The following DDB1 variants were observed in gnomAD, a reference collection of about 807,000 sequenced individuals.
DDB1 encodes the protein damage specific DNA binding protein 1.
DDB1 carries 18 observed loss-of-function variants against 133.1 expected under a neutral mutation model. The ratio of observed to expected loss-of-function variants is 0.14; its 90% CI spans 0.09 to 0.20. The LOEUF (loss-of-function observed/expected upper bound fraction) is 0.20. Among genes scored for constraint, DDB1 ranks in the 10% least tolerant of loss-of-function variants. DDB1 has a pLI of 1.00. For missense variants in DDB1, 828 were observed against 1,459.2 expected, an observed-to-expected ratio of 0.57 and a Z score of 7.05; for synonymous variants, 580 against 550.5, an observed-to-expected ratio of 1.05 and a Z score of -0.75.
chr11:61,316,946 GATATATATATATATAT>G (rs58564398), intron 10 of DDB1, among the ~76,000 whole-genome samples: 324 of 29,062 alleles, frequency 0.011, 12 homozygotes, highest in Middle Eastern at 0.028. Context: ...AAAAAGGATA[GATATATATATATATAT>G]ATATATATAT....
chr11:61,325,881 T>C (rs1856261672), intron 5 of DDB1, 173 bp from the exon 6 acceptor site: 4 of 686,024 alleles, frequency 5.8e-6, no homozygotes, highest in Non-Finnish European at 1.1e-5. Context: ...TTAGAATTTG[T>C]TAACTGGCCA....
intron 10 of DDB1, among the ~76,000 whole-genome samples, chr11:61,317,240 AG>A (rs1856104158): frequency 6.6e-6 from 1 of 151,314 alleles, no homozygotes; most frequent in Non-Finnish European, 1.5e-5. Flanking sequence ...CAGCCTCCCG[AG>A]TAGCTGGGAA....
chr11:61,303,794 CCCCACCAGAGACACTTGCAGGG>C, intron 22 of DDB1, 49 bp downstream of exon 22: 1 of 1,573,596 alleles, frequency 6.4e-7, no homozygotes, highest in Non-Finnish European at 8.7e-7. Context: ...GCTTATCCTT[CCCCACCAGAGACACTTGCAGGG>C]GCGGTGGCTC....
chr11:61,327,648 T>G lies in DDB1; in HGVS notation c.550-755A>C, dbSNP rs111486259. On this transcript the variant is annotated intron_variant, in intron 4 of 26. Transcript: ENST00000301764. ...TTGCTCCGCTAAAGTTGTCAAAACT[T>G]TCAGTCCTGCCATTGTCAACATCAT... 3.3e-5 allele frequency: 5 copies of G among 152,350 alleles called. 1 individual carries two copies. Among genetic ancestry groups the G allele is most frequent in the African/African-American group, 1.2e-4 (5 of 41,564 alleles). The allele number at this position is 152,350 out of a possible 1,614,324, so 9.4% of individuals were successfully genotyped here.
rs549181194 is a variant in DDB1, at chr11:61,310,028, T to C, written c.2402-68A>G. Reference sequence around the variant, plus strand: ...ATCTGCACGCACACATAACCCCGTATTTCTGAGGCCTGTGGCTTAGGCAGT... The same window carrying C: ...ATCTGCACGCACACATAACCCCGTACTTCTGAGGCCTGTGGCTTAGGCAGT... On this transcript the variant is annotated intron_variant, in intron 19 of 26. Transcript: ENST00000301764. 13 of 1,602,314 alleles carry C rather than the reference T, an allele frequency of 8.1e-6. No homozygotes were observed. In the Admixed American group the frequency reaches 1.8e-4, roughly 23 times the overall value.
At chr11:61,330,846 G>C (rs957432520) in intron 2 of DDB1, among the ~76,000 whole-genome samples, 5 of 152,056 alleles carry the variant, frequency 3.3e-5, no homozygotes, top group African/African-American at 1.2e-4. Context: ...AGTAGAGATG[G>C]GGTTTCACCA....
At chr11:61,321,470 G>A (rs1213533489) in intron 10 of DDB1, 125 bp downstream of exon 10, 2 of 455,336 alleles carry the variant, frequency 4.4e-6, no homozygotes, top group East Asian at 1.1e-4. Flanking sequence ...CTGATCTGTT[G>A]TTACGACTTT....
In DDB1 at chr11:61,302,627, G is replaced by C; in HGVS notation, c.3067C>G (p.Pro1023Ala). The change falls in exon 24 of 27, where the codon CCC (proline) becomes GCC (alanine). Residue 1023 changes from proline to alanine, a missense_variant. Pro to Ala is a conservative substitution (Grantham distance 27, BLOSUM62 -1). Transcript: ENST00000301764. ...CCGAAGAGCACCGAGCCTTGTGTGG[G>C]GGTGGAAGTCTCACCCAGATTCTGC... ...VMQNLGETST[P>A]TQGSVLFGTV... The C allele has an allele frequency of 1.9e-6, 3 of 1,614,220 alleles. No individual in the cohort carries two copies. Among genetic ancestry groups the C allele is most frequent in the East Asian group, 2.2e-5 (1 of 44,886 alleles).
intron 7 of DDB1, 152 bp downstream of exon 7, chr11:61,323,827 C>T (rs908293824): frequency 1.3e-6 from 1 of 777,506 alleles, no homozygotes; most frequent in South Asian, 1.7e-5. Flanking sequence ...CAATACCTAA[C>T]TCATTCAACA....
chr11:61,316,978 T>C (rs1338814591), intron 10 of DDB1, among the ~76,000 whole-genome samples: 6 of 65,742 alleles, frequency 9.1e-5, no homozygotes, highest in East Asian at 8.6e-4. Context: ...TATATATATA[T>C]ATATATATAT....
chr11:61,305,073 C>T (rs1855863644), intron 21 of DDB1, among the ~76,000 whole-genome samples: 1 of 152,172 alleles, frequency 6.6e-6, no homozygotes, highest in Non-Finnish European at 1.5e-5. Context: ...CCTGGCAGAT[C>T]CTTCAGGATC....
At position 61,313,660 on chromosome 11, in the gene DDB1, G is replaced by C. The variant is rs766450036; in HGVS notation, c.1908C>G (p.Thr636=). Reference sequence around the variant, plus strand: ...AAAGAGAACGAAAAGTCCTCAATACGGTGGGCTGGGTGCCCAAAGTCACCT... The same window carrying C: ...AAAGAGAACGAAAAGTCCTCAATACCGTGGGCTGGGTGCCCAAAGTCACCT... ...RKKVTLGTQP[T]VLRTFRSLST... The change falls in exon 16 of 27, where the codon ACC becomes ACG. Residue 636 remains threonine (T), a synonymous_variant. Transcript: ENST00000301764. The C allele has an allele frequency of 6.2e-7, 1 of 1,613,858 alleles. No individual in the cohort carries two copies. Among genetic ancestry groups the C allele is most frequent in the Admixed American group, 1.7e-5 (1 of 59,954 alleles).
At chr11:61,311,336 A>C in intron 18 of DDB1, 1 of 160,444 alleles carries the variant, frequency 6.2e-6, no homozygotes, top group Non-Finnish European at 1.3e-5. Flanking sequence ...AACATAACAT[A>C]ACATAACAAA....
rs1590675041 is a variant in DDB1, at chr11:61,299,943, A to T, written c.*193T>A. On this transcript the variant is annotated 3_prime_UTR_variant, in exon 27 of 27. Transcript: ENST00000301764. ...GAGACTGGTAAAAATCCAGGGAGAAAATGTTTCACCTTCAGCTCATTCCCA... is the reference window on the plus strand; with the variant it reads ...GAGACTGGTAAAAATCCAGGGAGAATATGTTTCACCTTCAGCTCATTCCCA... 1 of 598,690 alleles carries T rather than the reference A, an allele frequency of 1.7e-6. No homozygotes were observed. Among genetic ancestry groups the T allele is most frequent in the Non-Finnish European group, 3.0e-6 (1 of 335,894 alleles). 37.1% of individuals were successfully genotyped at this position (598,690 alleles called of 1,614,324 possible).
chr11:61,321,745 C>A (rs773581111), intron 9 of DDB1, 48 bp from the exon 10 acceptor site: 1 of 1,518,982 alleles, frequency 6.6e-7, no homozygotes, highest in South Asian at 1.1e-5. Context: ...AGATACTGGG[C>A]CAGTCATACT....
chr11:61,324,250 C>T (rs569365256), intron 6 of DDB1, 113 bp from the exon 7 acceptor site: 20 of 1,124,830 alleles, frequency 1.8e-5, no homozygotes, highest in South Asian at 9.6e-5. Context: ...GCAGACAAAT[C>T]GCTCAGATAA....
chr11:61,310,609 T>C, intron 18 of DDB1, 191 bp from the exon 19 acceptor site: 1 of 540,542 alleles, frequency 1.9e-6, no homozygotes, highest in Non-Finnish European at 3.1e-6. Context: ...TCCCAAACAG[T>C]AAAAATCTAA....
At chr11:61,321,958 G>C (rs906825852) in intron 9 of DDB1, 2 of 547,812 alleles carry the variant, frequency 3.7e-6, no homozygotes, top group Non-Finnish European at 6.5e-6. Context: ...TAGTTTACTA[G>C]AATGAGCACA....
intron 18 of DDB1, 161 bp from the exon 19 acceptor site, chr11:61,310,579 G>T: frequency 1.4e-6 from 1 of 708,148 alleles, no homozygotes. Flanking sequence ...TTCAGAGGAG[G>T]CATGTAGTTG....
Sources: allele counts gnomAD v4.1 joint callset (sites outside exome capture counted in the v4.1 genomes callset), GRCh38; gene constraint gnomAD v4.1.1; transcripts MANE v1.5; gene names NCBI Gene and HGNC (gene_info 2026-07-23, HGNC 2026-07-21).